The following COQ6 variants were observed in gnomAD, a reference collection of about 807,000 sequenced individuals.
COQ6 encodes coenzyme Q6, monooxygenase.
Under a neutral mutation model 55.5 loss-of-function variants are expected in COQ6, and 45 were observed. The observed-to-expected ratio is 0.81, with a 90% CI of 0.64 to 1.04. COQ6 has a LOEUF of 1.04. COQ6 is among the 50% of genes least tolerant of loss of function. The probability of loss-of-function intolerance (pLI) is 0.00; values close to 1 mark genes in which losing one functional copy is unlikely to be tolerated. For missense variants in COQ6, 550 were observed against 601.3 expected (o/e 0.91, Z 0.89); for synonymous variants, 206 against 230.5 (o/e 0.89, Z 0.96).
At chr14:73,961,672 T>G in intron 10 of COQ6, 65 bp from the exon 11 acceptor site, 1 of 1,609,922 alleles carries the variant, frequency 6.2e-7, no homozygotes, top group South Asian at 1.1e-5. Context: ...TATATCTGGC[T>G]TGCTAGGAGA....
In COQ6 at chr14:73,962,976, A is replaced by G. The variant is rs751984476; in HGVS notation, c.1384A>G (p.Ile462Val). ...ACTTTTATTTTTTCTCCAGGAACAG[A>G]TTATGGCCTTTGCAAGCAAATGAGT... ...TNAVSPLKEQIMAFASK is the reference protein window; with the variant it reads ...TNAVSPLKEQVMAFASK The change falls in exon 12 of 12, where the codon ATT becomes GTT. Residue 462 changes from isoleucine (I) to valine (V), a missense_variant. Transcript: ENST00000334571. 4 of 1,609,254 alleles carry G rather than the reference A, an allele frequency of 2.5e-6. No individual in the cohort carries two copies. In the Admixed American group the frequency reaches 6.7e-5, roughly 27 times the overall value.
At position 73,953,640 on chromosome 14, in the gene COQ6, CAG is replaced by C; in HGVS notation, c.298+74_298+75del. The C allele has an allele frequency of 2.5e-6, 4 of 1,580,730 alleles. No individual in the cohort carries two copies. The South Asian group carries it at 4.4e-5, about 18-fold the overall frequency. On this transcript the variant is annotated intron_variant, in intron 2 of 11. Transcript: ENST00000334571. ...TAGCTTTCTAGTGTATCCCATGGGG[CAG>C]AGTCATCAGAGCATCTGACAAGGAG...
At chr14:73,956,484 A>G (rs1291166443) in intron 4 of COQ6, 3 of 156,166 alleles carry the variant, frequency 1.9e-5, no homozygotes, top group Non-Finnish European at 4.3e-5. Context: ...ACCAGTCTAT[A>G]AGGGTTCCAG....
At chr14:73,960,823 G>A in intron 8 of COQ6, 1 of 394,940 alleles carries the variant, frequency 2.5e-6, no homozygotes. Context: ...TTATCCTAAT[G>A]AAATAGAGAC....
intron 11 of COQ6, 23 bp downstream of exon 11, chr14:73,961,926 G>A: frequency 6.2e-7 from 1 of 1,613,622 alleles, no homozygotes; most frequent in Non-Finnish European, 8.5e-7. Context: ...TCAGAGGAAT[G>A]ACTTTGCAAA....
intron 1 of COQ6, among the ~76,000 whole-genome samples, chr14:73,952,435 TTTTC>T (rs2140363691): frequency 1.3e-5 from 2 of 152,132 alleles, no homozygotes; most frequent in South Asian, 4.1e-4. Flanking sequence ...CTTTCTTTTC[TTTTC>T]TTTTTTGTAG....
chr14:73,959,028 A>G lies in COQ6; in HGVS notation c.670A>G (p.Ser224Gly). Residue 224 changes from serine (S) to glycine (G), a missense_variant, in exon 6 of 12, where the codon AGC becomes GGC. Coordinates refer to ENST00000334571, the MANE Select transcript of COQ6 (RefSeq NM_182476.3). ...VRQAVGIQNV[S>G]WNYDQSAVVA... ...GCAGGCTGTTGGAATCCAGAATGTG[A>G]GCTGGAACTATGACCAGTCTGCTGT... 1.9e-6 allele frequency: 3 copies of G among 1,614,138 alleles called. No individual in the cohort carries two copies. The highest frequency in any genetic ancestry group is 2.5e-6 in the Non-Finnish European group (3 of 1,180,024).
In COQ6 at chr14:73,962,146, C is replaced by T. The variant is rs181133013; in HGVS notation, c.1377+243C>T. Among the ~76,000 whole-genome samples the T allele has an allele frequency of 3.6e-4, 55 of 151,946 alleles. No homozygotes were observed. The East Asian group carries it at 0.01, about 28-fold the overall frequency. ...TATTTTTAGTAGAGATGGGGTTTCACCATGTTGGCCAAGCTGGTCTTGAAC... is the reference window on the plus strand; with the variant it reads ...TATTTTTAGTAGAGATGGGGTTTCATCATGTTGGCCAAGCTGGTCTTGAAC... On this transcript the variant is annotated intron_variant, in intron 11 of 11. Coordinates refer to ENST00000334571, the MANE Select transcript of COQ6 (RefSeq NM_182476.3).
intron 2 of COQ6, among the ~76,000 whole-genome samples, chr14:73,954,635 C>T (rs367755626): frequency 6.6e-5 from 10 of 151,708 alleles, no homozygotes; most frequent in East Asian, 5.8e-4. Flanking sequence ...CAGGGTCAGG[C>T]GATCGAGATC....
Position 73,961,142 on chromosome 14 carries a change from C to T in COQ6, c.892-31C>T. On this transcript the variant is annotated intron_variant, in intron 8 of 11. Transcript: ENST00000334571. Reference sequence around the variant, plus strand: ...TTAATTCCCTGCTACTCACATTTCACCTTGTTTGTCTTGTGGCTGATGCTG... The same window carrying T: ...TTAATTCCCTGCTACTCACATTTCATCTTGTTTGTCTTGTGGCTGATGCTG... The T allele has an allele frequency of 2.5e-6, 4 of 1,608,356 alleles. No homozygotes were observed. In the South Asian group the frequency reaches 3.3e-5, roughly 13 times the overall value.
At chr14:73,957,915 G>C in intron 4 of COQ6, 1 of 495,136 alleles carries the variant, frequency 2.0e-6, no homozygotes, top group Non-Finnish European at 3.7e-6. Context: ...GTAAGAAAGA[G>C]TGCCTCTGAC....
intron 4 of COQ6, 137 bp from the exon 5 acceptor site, chr14:73,958,010 T>C: frequency 1.3e-6 from 1 of 771,138 alleles, no homozygotes; most frequent in East Asian, 2.5e-5. Flanking sequence ...GACCACAGCA[T>C]TAATTACTGA....
chr14:73,962,679 G>A (rs1175782776), intron 11 of COQ6: 1 of 387,288 alleles, frequency 2.6e-6, no homozygotes, highest in Non-Finnish European at 4.5e-6. Context: ...GATGGGTGCA[G>A]TGGCTCACAC....
chr14:73,958,174 A>G lies in COQ6; in HGVS notation c.509A>G (p.Lys170Arg), dbSNP rs1445457765. The G allele has an allele frequency of 6.2e-7, 1 of 1,614,066 alleles. No individual in the cohort carries two copies. The highest frequency in any genetic ancestry group is 8.5e-7 in the Non-Finnish European group (1 of 1,180,008). ...CGAGTGACGGTTCTCTACAGGAGCA[A>G]AGCCATTCGCTATACCTGGCCTTGT... ...SDRVTVLYRS[K>R]AIRYTWPCPF... Residue 170 changes from lysine (K) to arginine (R), a missense_variant, in exon 5 of 12, where the codon AAA becomes AGA. Physicochemically the swap from Lys to Arg is conservative, Grantham distance 26 (BLOSUM62 2). Transcript: ENST00000334571.
At chr14:73,961,606 G>C in intron 10 of COQ6, 36 bp downstream of exon 10, 1 of 1,611,014 alleles carries the variant, frequency 6.2e-7, no homozygotes, top group Middle Eastern at 1.7e-4. Flanking sequence ...GTATCCAGAG[G>C]TCATATAGTT....
At chr14:73,953,305 G>T in intron 1 of COQ6, 130 bp from the exon 2 acceptor site, 1 of 834,812 alleles carries the variant, frequency 1.2e-6, no homozygotes, top group African/African-American at 1.7e-5. Flanking sequence ...ACTCTGCATG[G>T]GTATAGTGTT....
chr14:73,961,977 T>TG (rs1343353782), intron 11 of COQ6, 74 bp downstream of exon 11: 2 of 1,555,592 alleles, frequency 1.3e-6, no homozygotes, highest in Non-Finnish European at 1.8e-6. Flanking sequence ...AACAGAGTCT[T>TG]GGTCTTATCG....
At position 73,950,358 on chromosome 14, in the gene COQ6, G is replaced by A; in HGVS notation, c.26G>A (p.Cys9Tyr). ...ATGGCGGCCCGGCTTGTCAGCCGATGCGGGGCTGTGCGTGCAGCTCCCCAC... is the reference window on the plus strand; with the variant it reads ...ATGGCGGCCCGGCTTGTCAGCCGATACGGGGCTGTGCGTGCAGCTCCCCAC... The part of the protein sequence containing the change: MAARLVSR[C>Y]GAVRAAPHSG... The change falls in exon 1 of 12, where the codon TGC becomes TAC. Residue 9 changes from cysteine (C) to tyrosine (Y), a missense_variant. Cys to Tyr is a radical substitution (Grantham distance 194). Coordinates refer to ENST00000334571, the MANE Select transcript of COQ6 (RefSeq NM_182476.3). 6.4e-7 allele frequency: 1 copy of A among 1,557,512 alleles called. No homozygotes were observed. The highest frequency in any genetic ancestry group is 8.7e-7 in the Non-Finnish European group (1 of 1,153,746).
chr14:73,961,617 A>T, intron 10 of COQ6, 47 bp downstream of exon 10: 1 of 1,606,596 alleles, frequency 6.2e-7, no homozygotes, highest in South Asian at 1.1e-5. Flanking sequence ...TCATATAGTT[A>T]GGCAAGATCA....
Sources: gnomAD v4.1 joint callset for allele counts (sites outside exome capture counted in the v4.1 genomes callset) on GRCh38, gnomAD v4.1.1 for gene constraint, MANE v1.5 for transcripts, NCBI Gene and HGNC (gene_info 2026-07-23, HGNC 2026-07-21) for gene names.